The following FBXO11 variants were observed in gnomAD, a reference collection of about 807,000 sequenced individuals.
FBXO11 encodes the protein F-box only protein 11.
In FBXO11, 13 loss-of-function variants were observed where a neutral mutation model predicts 117.0. The ratio of observed to expected loss-of-function variants is 0.11; its 90% CI spans 0.07 to 0.18. The LOEUF (loss-of-function observed/expected upper bound fraction) is 0.18, where lower values mean the gene tolerates loss of function less well. FBXO11 is among the 10% of genes least tolerant of loss of function. The pLI is 1.00. For missense variants in FBXO11, 767 were observed against 1,164.4 expected, an observed-to-expected ratio of 0.66 and a Z score of 4.97; for synonymous variants, 490 against 380.5, an observed-to-expected ratio of 1.29 and a Z score of -3.35.
chr2:47,884,593 T>C (rs887860456), intron 1 of FBXO11, among the ~76,000 whole-genome samples: 4 of 152,192 alleles, frequency 2.6e-5, no homozygotes, highest in Admixed American at 2.0e-4. Flanking sequence ...GAAAGTATGA[T>C]TATTAATTGT....
rs555037249 is a variant in FBXO11, at chr2:47,820,404, C to A, written c.1755G>T (p.Arg585=). The A allele has an allele frequency of 2.5e-6, 4 of 1,613,666 alleles. No homozygotes were observed. The change falls in exon 14 of 23, where the codon CGG becomes CGT. Residue 585 remains arginine, a synonymous_variant. Transcript: ENST00000403359. The part of the protein sequence containing the change: ...QIRTNSCPIV[R]HNKIHDGQHG... ...GCTGGCCATCATGAATTTTGTTATG[C>A]CGAACAATTGGACAACTGTTTGTCC...
intron 1 of FBXO11, among the ~76,000 whole-genome samples, chr2:47,898,901 T>C (rs538775512): frequency 6.6e-6 from 1 of 152,272 alleles, no homozygotes; most frequent in African/African-American, 2.4e-5. Flanking sequence ...TGCTACTTAC[T>C]ATGCATCTTC....
chr2:47,845,621 C>T lies in FBXO11; in HGVS notation c.233-5852G>A, dbSNP rs554974487. On this transcript the variant is annotated intron_variant, in intron 1 of 22. Coordinates refer to ENST00000403359, the MANE Select transcript of FBXO11 (RefSeq NM_001190274.2). ...AACTCCTGTAGTACTGAATATATAC[C>T]GTATATACCTTACTATACCTTAGCT... Among the ~76,000 whole-genome samples the T allele has an allele frequency of 2.6e-5, 4 of 152,150 alleles. No homozygotes were observed. In the South Asian group the frequency reaches 8.3e-4, roughly 32 times the overall value.
intron 16 of FBXO11, among the ~76,000 whole-genome samples, chr2:47,818,162 A>C (rs1463846739): frequency 6.6e-6 from 1 of 152,246 alleles, no homozygotes; most frequent in Non-Finnish European, 1.5e-5. Context: ...TAACAGACAT[A>C]ATGATAATGA....
intron 1 of FBXO11, among the ~76,000 whole-genome samples, chr2:47,859,035 TG>T (rs1183301970): frequency 6.2e-5 from 6 of 97,030 alleles, no homozygotes; most frequent in Non-Finnish European, 1.1e-4. Flanking sequence ...AGCAAAACTC[TG>T]TCTCCAAAAA....
intron 1 of FBXO11, among the ~76,000 whole-genome samples, chr2:47,863,052 T>A (rs1269675782): frequency 3.1e-5 from 4 of 129,878 alleles, no homozygotes; most frequent in African/African-American, 1.2e-4. Context: ...TAAAACTGTG[T>A]CTCAAAAAAA....
intron 22 of FBXO11, 30 bp from the exon 23 acceptor site, chr2:47,808,277 A>T (rs373990742): frequency 8.4e-5 from 136 of 1,612,738 alleles, no homozygotes; most frequent in Non-Finnish European, 1.1e-4. Context: ...AAATATTAGA[A>T]AAGTGAGGGG....
Position 47,905,760 on chromosome 2 carries a change from ACACG to A in FBXO11, c.-44_-41del. The A allele has an allele frequency of 7.8e-7, 1 of 1,279,722 alleles. No individual in the cohort carries two copies. The highest frequency in any genetic ancestry group is 1.0e-6 in the Non-Finnish European group (1 of 986,570). 79.3% of individuals were successfully genotyped at this position (1,279,722 alleles called of 1,614,324 possible). A position where few individuals can be genotyped will look rare whatever the true frequency, so the allele number is the denominator to read the frequency against. On this transcript the variant is annotated 5_prime_UTR_variant, in exon 1 of 23. Coordinates refer to ENST00000403359, the MANE Select transcript of FBXO11 (RefSeq NM_001190274.2). ...TGGCGGCGTTGGCGGAGGGACACAC[ACACG>A]CACACGCACAGCGAGCTTCGGGGCA...
chr2:47,820,289 A>T, intron 14 of FBXO11, 73 bp downstream of exon 14: 1 of 1,168,512 alleles, frequency 8.6e-7, no homozygotes, highest in Non-Finnish European at 1.2e-6. Context: ...CCTACCTAAA[A>T]GCTTGAGGAG....
rs1195655275 is a variant in FBXO11, at chr2:47,839,354, T to G, written c.442+65A>C. 1.3e-5 allele frequency: 19 copies of G among 1,430,474 alleles called. No homozygotes were observed. The South Asian group carries it at 2.2e-4, about 17-fold the overall frequency. 88.6% of individuals were successfully genotyped at this position (1,430,474 alleles called of 1,614,324 possible). On this transcript the variant is annotated intron_variant, in intron 3 of 22. Coordinates refer to ENST00000403359, the MANE Select transcript of FBXO11 (RefSeq NM_001190274.2). ...ACTCGAATACACTTAATTTTCATTT[T>G]TTGGTATCAAGCAAAATTAAAAAAA...
intron 1 of FBXO11, among the ~76,000 whole-genome samples, chr2:47,895,088 C>T (rs1304377595): frequency 6.6e-6 from 1 of 152,060 alleles, no homozygotes; most frequent in Non-Finnish European, 1.5e-5. Context: ...GAAATTTTGT[C>T]TTTGAGAAAA....
chr2:47,820,643 A>G (rs918757950), intron 13 of FBXO11, among the ~76,000 whole-genome samples, 187 bp from the exon 14 acceptor site: 1 of 152,234 alleles, frequency 6.6e-6, no homozygotes, highest in Non-Finnish European at 1.5e-5. Flanking sequence ...GCTATGCTAT[A>G]GTTGTGGAGC....
At chr2:47,857,783 T>C (rs930356307) in intron 1 of FBXO11, among the ~76,000 whole-genome samples, 2 of 152,168 alleles carry the variant, frequency 1.3e-5, no homozygotes, top group Non-Finnish European at 2.9e-5. Flanking sequence ...TATACAAAAC[T>C]GGCAGACGCA....
Position 47,897,087 on chromosome 2 carries a change from C to A in FBXO11, c.232+8402G>T, listed in dbSNP as rs542326689. 2.6e-5 allele frequency among the ~76,000 whole-genome samples: 4 copies of A among 152,122 alleles called. No individual in the cohort carries two copies. In the Middle Eastern group the frequency reaches 0.014, roughly 517 times the overall value. On this transcript the variant is annotated intron_variant, in intron 1 of 22. Transcript: ENST00000403359. ...AAACAATAACTAGTAACATACATAC[C>A]AAAGTTGTCCATCTCAATATATAAC...
chr2:47,824,404 A>G (rs952256240), intron 11 of FBXO11, among the ~76,000 whole-genome samples: 7 of 152,132 alleles, frequency 4.6e-5, no homozygotes, highest in Non-Finnish European at 8.8e-5. Context: ...AGGTGGGAGG[A>G]CTGTTTGAGC....
chr2:47,890,655 G>C (rs1245801649), intron 1 of FBXO11, among the ~76,000 whole-genome samples: 2 of 151,800 alleles, frequency 1.3e-5, no homozygotes, highest in Admixed American at 6.6e-5. Context: ...AATACAAAAA[G>C]TCAGCTGGAC....
chr2:47,824,080 A>G (rs1000147193), intron 11 of FBXO11, among the ~76,000 whole-genome samples: 1 of 152,238 alleles, frequency 6.6e-6, no homozygotes, highest in African/African-American at 2.4e-5. Context: ...GCATGAAGGA[A>G]AAACAGCAAA....
intron 1 of FBXO11, among the ~76,000 whole-genome samples, chr2:47,892,755 C>T (rs758760698): frequency 1.3e-5 from 2 of 152,096 alleles, no homozygotes; most frequent in South Asian, 2.1e-4. Flanking sequence ...ATGGCCAAAA[C>T]AATGAATGTA....
rs368336368 is a variant in FBXO11 at position 47,818,989 on chromosome 2, T to A, written c.1887A>T (p.Val629=). Residue 629 remains valine (V), a synonymous_variant, in exon 15 of 23, where the codon GTA becomes GTT. Coordinates refer to ENST00000403359, the MANE Select transcript of FBXO11 (RefSeq NM_001190274.2). The stretch of plus-strand genomic sequence containing the variant: ...CACTGTGTATCCGGTTTCTTCTCAG[T>A]ACTGGAGTGCTGCCAGTTGTCACCC... ...GVWVTTGSTP[V]LRRNRIHSGK... 1 of 1,614,126 alleles carries A rather than the reference T, an allele frequency of 6.2e-7. No individual in the cohort carries two copies. Among genetic ancestry groups the A allele is most frequent in the East Asian group, 2.2e-5 (1 of 44,874 alleles).
Sources: gnomAD v4.1 joint callset for allele counts (sites outside exome capture counted in the v4.1 genomes callset) on GRCh38, gnomAD v4.1.1 for gene constraint, MANE v1.5 for transcripts, NCBI Gene and HGNC (gene_info 2026-07-23, HGNC 2026-07-21) for gene names.